Variants in PTPN13 observed in about 807,000 individuals in gnomAD.
PTPN13 encodes tyrosine-protein phosphatase non-receptor type 13.
Under a neutral mutation model 284.0 loss-of-function variants are expected in PTPN13, and 191 were observed. The ratio of observed to expected loss-of-function variants is 0.67; its 90% CI spans 0.60 to 0.76. The LOEUF (loss-of-function observed/expected upper bound fraction) is 0.76, where lower values mean the gene tolerates loss of function less well. Ranked by LOEUF, PTPN13 falls within the 30% of genes least tolerant of loss-of-function variation. The pLI is 0.00. For missense variants in PTPN13, 2,797 were observed against 2,939.9 expected (o/e 0.95, Z 1.12); for synonymous variants, 986 against 1,022.3 (o/e 0.96, Z 0.68).
chr4:86,748,897 C>T (rs755063091), intron 17 of PTPN13, among the ~76,000 whole-genome samples: 1 of 152,132 alleles, frequency 6.6e-6, no homozygotes, highest in Non-Finnish European at 1.5e-5. Context: ...CCTCATGATC[C>T]GCCCACCTCA....
At chr4:86,721,825 A>T (rs1477688790) in intron 9 of PTPN13, among the ~76,000 whole-genome samples, 2 of 149,218 alleles carry the variant, frequency 1.3e-5, no homozygotes, top group Admixed American at 6.7e-5. Context: ...TGCAGCCTCA[A>T]CCCCCTTACC....
At chr4:86,713,198 T>C (rs2149055634) in intron 7 of PTPN13, among the ~76,000 whole-genome samples, 1 of 152,240 alleles carries the variant, frequency 6.6e-6, no homozygotes, top group East Asian at 1.9e-4. Flanking sequence ...TTGGTTCTTA[T>C]CCATGGCCTT....
chr4:86,636,411 A>G (rs1247526196), intron 2 of PTPN13, among the ~76,000 whole-genome samples: 1 of 152,190 alleles, frequency 6.6e-6, no homozygotes, highest in Non-Finnish European at 1.5e-5. Flanking sequence ...CACCTGACCA[A>G]AACTTACTTA....
chr4:86,640,163 C>T (rs1723617803), intron 2 of PTPN13, among the ~76,000 whole-genome samples: 1 of 152,090 alleles, frequency 6.6e-6, no homozygotes, highest in South Asian at 2.1e-4. Context: ...CACATCAGTG[C>T]TATAACCTTT....
chr4:86,717,953 A>G (rs1403062493), intron 9 of PTPN13, among the ~76,000 whole-genome samples: 1 of 152,134 alleles, frequency 6.6e-6, no homozygotes, highest in Admixed American at 6.5e-5. Context: ...GTTCATTTTT[A>G]TACTGACATA....
intron 2 of PTPN13, among the ~76,000 whole-genome samples, chr4:86,669,298 T>TAC (rs1301701126): frequency 7.6e-6 from 1 of 132,038 alleles, no homozygotes; most frequent in Non-Finnish European, 1.7e-5. Flanking sequence ...TATATATATA[T>TAC]ATATATATAT....
intron 46 of PTPN13, among the ~76,000 whole-genome samples, 160 bp downstream of exon 46, chr4:86,810,144 A>G (rs935267019): frequency 6.6e-6 from 1 of 152,180 alleles, no homozygotes. Flanking sequence ...ATTTTTGTAA[A>G]CATTGGTATT....
In PTPN13 at chr4:86,796,403, G is replaced by A. The variant is rs551665753; in HGVS notation, c.6346-471G>A. Among the ~76,000 whole-genome samples, 23 of 152,262 alleles carry A rather than the reference G, an allele frequency of 1.5e-4. No individual in the cohort carries two copies. In the South Asian group the frequency reaches 4.1e-3, roughly 27 times the overall value. On this transcript the variant is annotated intron_variant, in intron 40 of 47. Transcript: ENST00000411767. ...TAATCCCAACACTTTGGGAGGCTGA[G>A]GCAGGAGAGTAGCTCAAGGCTAGGA...
At chr4:86,790,925 C>T (rs183603609) in intron 40 of PTPN13, among the ~76,000 whole-genome samples, 188 of 152,248 alleles carry the variant, frequency 1.2e-3, no homozygotes, top group Non-Finnish European at 2.2e-3. Context: ...CCAACGAAAT[C>T]GACGCAGAAG....
chr4:86,806,213 A>C (rs1314847481), intron 44 of PTPN13, among the ~76,000 whole-genome samples: 3 of 152,052 alleles, frequency 2.0e-5, no homozygotes, highest in Non-Finnish European at 4.4e-5. Context: ...TATAAAAATC[A>C]CATGTAAAAA....
chr4:86,721,950 T>C (rs1733717185), intron 9 of PTPN13, among the ~76,000 whole-genome samples: 1 of 151,880 alleles, frequency 6.6e-6, no homozygotes. Context: ...TTTCACCATG[T>C]TGCCCAGGCT....
Position 86,717,206 on chromosome 4 carries a change from T to TTG in PTPN13, c.1385+89_1385+90insTG, listed in dbSNP as rs35241149. 12 of 917,114 alleles carry TTG rather than the reference T, an allele frequency of 1.3e-5. No individual in the cohort carries two copies. The African/African-American group carries it at 1.9e-4, about 14-fold the overall frequency. The allele number at this position is 917,114 out of a possible 1,614,324, so 56.8% of individuals were successfully genotyped here. A position where few individuals can be genotyped will look rare whatever the true frequency, so the allele number is the denominator to read the frequency against. On this transcript the variant is annotated intron_variant, in intron 9 of 47. Transcript: ENST00000411767. The stretch of plus-strand genomic sequence containing the variant: ...TAAATGGAATTTTTTTTTTTTTTTT[T>TTG]GAGACGGAGTCTTGCTCTGTTGCCT...
intron 7 of PTPN13, among the ~76,000 whole-genome samples, chr4:86,710,798 T>C (rs183756252): frequency 6.6e-6 from 1 of 152,310 alleles, no homozygotes; most frequent in African/African-American, 2.4e-5. Flanking sequence ...TGTTAAGTTT[T>C]TATACCTCAT....
intron 2 of PTPN13, among the ~76,000 whole-genome samples, chr4:86,648,156 C>T (rs1565226449): frequency 2.6e-5 from 4 of 152,010 alleles, no homozygotes; most frequent in African/African-American, 9.7e-5. Flanking sequence ...AAAGCGTACT[C>T]TGTGTAATGG....
At chr4:86,692,837 T>C (rs1730170351) in intron 5 of PTPN13, among the ~76,000 whole-genome samples, 1 of 152,120 alleles carries the variant, frequency 6.6e-6, no homozygotes, top group South Asian at 2.1e-4. Context: ...CCCAGCACTT[T>C]GGGAGGCCAA....
At chr4:86,794,551 A>G (rs1254291357) in intron 40 of PTPN13, among the ~76,000 whole-genome samples, 1 of 152,226 alleles carries the variant, frequency 6.6e-6, no homozygotes, top group Admixed American at 6.5e-5. Context: ...AAACTACTTT[A>G]AAGTTCATAT....
At chr4:86,728,455 C>G (rs898839157) in intron 10 of PTPN13, among the ~76,000 whole-genome samples, 1 of 148,030 alleles carries the variant, frequency 6.8e-6, no homozygotes, top group Non-Finnish European at 1.5e-5. Flanking sequence ...GTCTAAGTCT[C>G]TTTGTAGGTC....
intron 15 of PTPN13, among the ~76,000 whole-genome samples, chr4:86,737,652 G>GTT (rs35215675): frequency 7.5e-5 from 11 of 145,900 alleles, no homozygotes; most frequent in Admixed American, 1.4e-4. Flanking sequence ...TTACCATAGT[G>GTT]TTTTTTTTTT....
intron 38 of PTPN13, 125 bp downstream of exon 38, chr4:86,784,683 G>A: frequency 3.2e-6 from 2 of 632,046 alleles, no homozygotes; most frequent in Admixed American, 3.5e-5. Context: ...AAAGATTATT[G>A]GTCAAATAAA....
Sources: gnomAD v4.1 joint callset for allele counts (sites outside exome capture counted in the v4.1 genomes callset) on GRCh38, gnomAD v4.1.1 for gene constraint, MANE v1.5 for transcripts, NCBI Gene and HGNC (gene_info 2026-07-23, HGNC 2026-07-21) for gene names.